The following TENM2 variants were observed in gnomAD, a reference collection of about 807,000 sequenced individuals.
TENM2 encodes teneurin transmembrane protein 2, also known as teneurin-2.
Under a neutral mutation model 245.2 loss-of-function variants are expected in TENM2, and 52 were observed. The ratio of observed to expected loss-of-function variants is 0.21; its 90% CI spans 0.17 to 0.27. The LOEUF (loss-of-function observed/expected upper bound fraction) is 0.27. TENM2 is among the 10% of genes least tolerant of loss of function. TENM2 has a pLI of 1.00. For missense variants in TENM2, 3,046 were observed against 3,666.8 expected (o/e 0.83, Z 4.37); for synonymous variants, 1,363 against 1,438.9 (o/e 0.95, Z 1.19).
intron 2 of TENM2, among the ~76,000 whole-genome samples, chr5:167,843,537 CT>C (rs1290041142): frequency 6.6e-6 from 1 of 152,060 alleles, no homozygotes; most frequent in African/African-American, 2.4e-5. Context: ...ACTTATTTCA[CT>C]CTGTATTCTT....
chr5:167,434,359 A>G (rs908228271), intron 2 of TENM2, among the ~76,000 whole-genome samples: 5 of 135,806 alleles, frequency 3.7e-5, no homozygotes, highest in Non-Finnish European at 7.7e-5. Flanking sequence ...GGTTGCAGTG[A>G]GCTGAGATGT....
At chr5:167,131,565 C>T in the TENM2 span, among the ~76,000 whole-genome samples, 1 of 152,092 alleles carries the variant, frequency 6.6e-6, no homozygotes, top group African/African-American at 2.4e-5. Context: ...CTTAGGGGAA[C>T]CCCTTTCTAG....
At position 167,298,559 on chromosome 5, in the gene TENM2, G is replaced by A. The variant is rs564830539; in HGVS notation, c.226+13496G>A. Among the ~76,000 whole-genome samples the A allele has an allele frequency of 5.9e-5, 9 of 152,292 alleles. No individual in the cohort carries two copies. In the South Asian group the frequency reaches 1.7e-3, roughly 28 times the overall value. On this transcript the variant is annotated intron_variant, in intron 1 of 28. Coordinates refer to ENST00000518659, the Ensembl canonical transcript of TENM2. ...GCGGAGCCTGCAGTGAGCCGAGATCGTGCCACTGCACTCCAGCCTGGGCGA... is the reference window on the plus strand; with the variant it reads ...GCGGAGCCTGCAGTGAGCCGAGATCATGCCACTGCACTCCAGCCTGGGCGA...
At chr5:168,205,275 T>C (rs1762262936) in intron 19 of TENM2, among the ~76,000 whole-genome samples, 1 of 150,968 alleles carries the variant, frequency 6.6e-6, no homozygotes, top group Non-Finnish European at 1.5e-5. Context: ...ATTCAACAAA[T>C]ATTTGGTGAA....
intron 2 of TENM2, among the ~76,000 whole-genome samples, chr5:167,681,191 A>G (rs1459944713): frequency 6.6e-6 from 1 of 152,118 alleles, no homozygotes; most frequent in Non-Finnish European, 1.5e-5. Context: ...TGTTTCAATT[A>G]TTTCAGAATT....
intron 2 of TENM2, among the ~76,000 whole-genome samples, chr5:167,640,545 G>GA (rs1779485686): frequency 6.7e-6 from 1 of 150,020 alleles, no homozygotes; most frequent in East Asian, 2.0e-4. Context: ...TTAAACCCAT[G>GA]ACGTGGAGGT....
At chr5:167,463,886 G>T (rs527813286) in intron 2 of TENM2, among the ~76,000 whole-genome samples, 13 of 152,300 alleles carry the variant, frequency 8.5e-5, no homozygotes, top group African/African-American at 2.9e-4. Context: ...CTATTAGAAG[G>T]TTTCCTTTCA....
chr5:168,240,279 C>T (rs74387103), intron 25 of TENM2, among the ~76,000 whole-genome samples: 5,656 of 152,212 alleles, frequency 0.037, 127 homozygotes, highest in Non-Finnish European at 0.048. Flanking sequence ...ATTCAGCAGG[C>T]GTGGAGCCAG....
chr5:168,018,813 C>G (rs1785893182), intron 5 of TENM2, among the ~76,000 whole-genome samples: 1 of 152,208 alleles, frequency 6.6e-6, no homozygotes, highest in Non-Finnish European at 1.5e-5. Flanking sequence ...ACTTCCTTCT[C>G]TCTAAGACCT....
chr5:167,358,665 T>C (rs1759500228), intron 1 of TENM2, among the ~76,000 whole-genome samples: 1 of 151,914 alleles, frequency 6.6e-6, no homozygotes, highest in Non-Finnish European at 1.5e-5. Flanking sequence ...TTAAATAGTA[T>C]GTACATGGCA....
chr5:167,988,187 C>T (rs951350014), intron 4 of TENM2, among the ~76,000 whole-genome samples: 6 of 152,242 alleles, frequency 3.9e-5, no homozygotes, highest in East Asian at 1.9e-4. Context: ...GGCATCAACA[C>T]GGCAGGAGGA....
chr5:167,745,208 A>G (rs1484401104), intron 2 of TENM2, among the ~76,000 whole-genome samples: 1 of 152,248 alleles, frequency 6.6e-6, no homozygotes, highest in Non-Finnish European at 1.5e-5. Context: ...AAAATAGTCC[A>G]GGTGGCTACC....
chr5:167,739,479 C>T (rs1041838195), intron 2 of TENM2, among the ~76,000 whole-genome samples: 3 of 152,134 alleles, frequency 2.0e-5, no homozygotes, highest in East Asian at 1.9e-4. Flanking sequence ...GCCAGACAGT[C>T]AGGGAAGCAA....
At chr5:168,015,172 T>C (rs1785552671) in intron 5 of TENM2, among the ~76,000 whole-genome samples, 1 of 152,234 alleles carries the variant, frequency 6.6e-6, no homozygotes, top group African/African-American at 2.4e-5. Flanking sequence ...AGGGAAATTT[T>C]GCTTTTTGTA....
At chr5:167,434,900 G>C (rs1237782797) in intron 2 of TENM2, among the ~76,000 whole-genome samples, 1 of 152,184 alleles carries the variant, frequency 6.6e-6, no homozygotes, top group Non-Finnish European at 1.5e-5. Context: ...TATAGATTCA[G>C]ATGTAGATTA....
chr5:167,828,301 G>A (rs1246721520), intron 2 of TENM2, among the ~76,000 whole-genome samples: 1 of 152,116 alleles, frequency 6.6e-6, no homozygotes, highest in South Asian at 2.1e-4. Flanking sequence ...TCTCAGCTCC[G>A]ATGCTGTCCC....
chr5:167,812,444 T>C (rs1325054370), intron 2 of TENM2, among the ~76,000 whole-genome samples: 3 of 152,236 alleles, frequency 2.0e-5, no homozygotes, highest in East Asian at 3.9e-4. Context: ...TGTAGAACCC[T>C]CAGGATCAGG....
intron 2 of TENM2, among the ~76,000 whole-genome samples, chr5:167,452,148 AT>A (rs2127476388): frequency 6.6e-6 from 1 of 152,350 alleles, no homozygotes; most frequent in South Asian, 2.1e-4. Context: ...AGAATTGGAA[AT>A]ATTGGCTCAA....
chr5:167,007,693 A>G, the TENM2 span, among the ~76,000 whole-genome samples: 2 of 152,072 alleles, frequency 1.3e-5, no homozygotes, highest in Non-Finnish European at 2.9e-5. This position sits in a 1 kb window ranked among gnomAD's most constrained non-coding sequence, Gnocchi z 4.2. Context: ...GCCCCCCACT[A>G]CCACCTCCAC....
Sources: gnomAD v4.1 joint callset for allele counts (sites outside exome capture counted in the v4.1 genomes callset) on GRCh38, gnomAD v4.1.1 for gene constraint, Gnocchi (gnomAD v3.1) non-coding constraint, MANE v1.5 for transcripts, NCBI Gene and HGNC (gene_info 2026-07-23, HGNC 2026-07-21) for gene names.